Variants in JAK3 observed in about 807,000 individuals in gnomAD.
JAK3 encodes the protein Janus kinase 3, also known as tyrosine-protein kinase JAK3.
In JAK3, 88 loss-of-function variants were observed where a neutral mutation model predicts 120.8. That is an observed-to-expected ratio of 0.73 (90% CI 0.61 to 0.87). The LOEUF is 0.87. Among genes scored for constraint, JAK3 ranks in the 40% least tolerant of loss-of-function variants. The probability of loss-of-function intolerance (pLI) is 0.00; values close to 1 mark genes in which losing one functional copy is unlikely to be tolerated. For missense variants in JAK3, 1,254 were observed against 1,501.4 expected (o/e 0.84, Z 2.72); for synonymous variants, 592 against 628.6 (o/e 0.94, Z 0.87).
At position 17,832,466 on chromosome 19, in the gene JAK3, C is replaced by T. The variant is rs2094216058; in HGVS notation, c.2680+53G>A. ...GGCCTGGCAGGAGGGTAAGAATGTG[C>T]ACTTTGAAAAGCACCCATACGTCTT... On this transcript the variant is annotated intron_variant, in intron 19 of 23. Transcript: ENST00000458235. This position sits in a 1 kb window ranked among gnomAD's most constrained non-coding sequence, Gnocchi z 4.7. 1.9e-6 allele frequency: 3 copies of T among 1,575,836 alleles called. No individual in the cohort carries two copies. The highest frequency in any genetic ancestry group is 1.7e-5 in the Admixed American group (1 of 59,926).
Position 17,831,547 on chromosome 19 carries a change from G to A in JAK3, c.2805+127C>T. ...CTGAAGTTCTGATCCTGAGCCCTAA[G>A]CCAACCCCACCACTCCCGAGACCTG... On this transcript the variant is annotated intron_variant, in intron 20 of 23. Transcript: ENST00000458235. The surrounding 1 kb of genome is among the most constrained non-coding windows in gnomAD (Gnocchi z 5.1). The A allele has an allele frequency of 1.3e-6, 2 of 1,500,382 alleles. No homozygotes were observed. Among genetic ancestry groups the A allele is most frequent in the South Asian group, 1.2e-5 (1 of 84,036 alleles). 92.9% of individuals were successfully genotyped at this position (1,500,382 alleles called of 1,614,324 possible). A position where few individuals can be genotyped will look rare whatever the true frequency, so the allele number is the denominator to read the frequency against.
intron 17 of JAK3, among the ~76,000 whole-genome samples, chr19:17,833,542 GAAAA>G (rs58330868): frequency 4.0e-5 from 3 of 74,654 alleles, no homozygotes; most frequent in African/African-American, 1.4e-4. Flanking sequence ...CCCCATCACA[GAAAA>G]AAAAAAAAAA....
rs199861157 is a variant in JAK3 at position 17,834,588 on chromosome 19, T to C, written c.2333A>G (p.Asn778Ser). The part of the protein sequence containing the change: ...PSFRAVIRDL[N>S]SLISSDYELL... ...GCGGGCACCTGAAGAGATGAGGCTA[T>C]TGAGGTCACGAATGACGGCTCGGAA... The change falls in exon 17 of 24, where the codon AAT becomes AGT. Residue 778 changes from asparagine (N) to serine (S), a missense_variant. Coordinates refer to ENST00000458235, the MANE Select transcript of JAK3 (RefSeq NM_000215.4). 1.0e-5 allele frequency: 16 copies of C among 1,607,004 alleles called. No homozygotes were observed. The highest frequency in any genetic ancestry group is 1.7e-5 in the Admixed American group (1 of 59,736).
At position 17,842,415 on chromosome 19, in the gene JAK3, G is replaced by A; in HGVS notation, c.762C>T (p.Phe254=). ...CAAGGGCCCCAGGGAGGCCCACGTG[G>A]AAGGTCTCGGCGGCCCCGGCTGGAT... ...RLDPAGAAET[F]HVGLPGALGG... The change falls in exon 6 of 24, where the codon TTC becomes TTT. Residue 254 remains phenylalanine (F), a synonymous_variant. Transcript: ENST00000458235. This position sits in a 1 kb window ranked among gnomAD's most constrained non-coding sequence, Gnocchi z 6.4. The A allele has an allele frequency of 6.3e-7, 1 of 1,585,570 alleles. No individual in the cohort carries two copies. The highest frequency in any genetic ancestry group is 8.6e-7 in the Non-Finnish European group (1 of 1,168,764).
Position 17,832,470 on chromosome 19 carries a change from T to C in JAK3, c.2680+49A>G. ...TGGCAGGAGGGTAAGAATGTGCACT[T>C]TGAAAAGCACCCATACGTCTTGGTT... is the stretch of plus-strand genomic sequence containing the variant. On this transcript the variant is annotated intron_variant, in intron 19 of 23. Transcript: ENST00000458235. The surrounding 1 kb of genome is among the most constrained non-coding windows in gnomAD (Gnocchi z 4.7). 1.3e-6 allele frequency: 2 copies of C among 1,596,248 alleles called. No homozygotes were observed. Among genetic ancestry groups the C allele is most frequent in the Middle Eastern group, 3.3e-4 (2 of 6,036 alleles).
intron 8 of JAK3, among the ~76,000 whole-genome samples, chr19:17,840,767 AAAAAAAG>A (rs1184254130): frequency 1.3e-5 from 2 of 151,918 alleles, no homozygotes. Flanking sequence ...CGTCTCAAAA[AAAAAAAG>A]AAAAAAGAAA....
At chr19:17,844,667 C>T (rs1334594186) in intron 1 of JAK3, among the ~76,000 whole-genome samples, 2 of 151,770 alleles carry the variant, frequency 1.3e-5, no homozygotes, top group Non-Finnish European at 2.9e-5. Flanking sequence ...TGTGGTGGTG[C>T]GTTCCTGTAA....
intron 1 of JAK3, among the ~76,000 whole-genome samples, chr19:17,847,641 C>G (rs1026222545): frequency 4.6e-5 from 7 of 152,226 alleles, no homozygotes; most frequent in East Asian, 3.9e-4. Flanking sequence ...ACTCCGCCCC[C>G]CAATCCCTCC....
chr19:17,841,623 G>A lies in JAK3; in HGVS notation c.984+17C>T, dbSNP rs1160927824. On this transcript the variant is annotated intron_variant, in intron 7 of 23. Transcript: ENST00000458235. This position sits in a 1 kb window ranked among gnomAD's most constrained non-coding sequence, Gnocchi z 4.1. ...CCCTCGGGGTAAGGCTGAAGGGGAG[G>A]GGAATCCTGCACCCACTAAAATCTG... The A allele has an allele frequency of 5.6e-6, 9 of 1,613,740 alleles. No individual in the cohort carries two copies. Among genetic ancestry groups the A allele is most frequent in the South Asian group, 1.1e-5 (1 of 91,070 alleles).
chr19:17,827,915 A>T (rs1052107381), intron 23 of JAK3, among the ~76,000 whole-genome samples: 1 of 142,374 alleles, frequency 7.0e-6, no homozygotes, highest in Non-Finnish European at 1.5e-5. Flanking sequence ...AAAAAAAAAA[A>T]CAACAAAAAA....
chr19:17,828,873 G>A (rs972431165), intron 23 of JAK3, among the ~76,000 whole-genome samples: 17 of 152,244 alleles, frequency 1.1e-4, no homozygotes, highest in South Asian at 4.1e-4. Context: ...ACCATGAGAG[G>A]GTGGGATGTG....
intron 23 of JAK3, 188 bp downstream of exon 23, chr19:17,829,920 A>G: frequency 1.5e-6 from 1 of 655,468 alleles, no homozygotes; most frequent in South Asian, 1.6e-5. Flanking sequence ...GAAAAGGGTA[A>G]ACTGAGGCTC....
rs1301578816 is a variant in JAK3, at chr19:17,825,035, A to G, written c.*1708T>C. On this transcript the variant is annotated 3_prime_UTR_variant, in exon 24 of 24. Transcript: ENST00000458235. The stretch of plus-strand genomic sequence containing the variant: ...TGGATAAGAGTTTTCCAAGGAGGCA[A>G]AAGTGGCAGAAAAGCTTTGCAGGTG... 4.4e-6 allele frequency: 1 copy of G among 226,646 alleles called. No individual in the cohort carries two copies. The highest frequency in any genetic ancestry group is 2.2e-5 in the African/African-American group (1 of 44,968). 14.0% of individuals were successfully genotyped at this position (226,646 alleles called of 1,614,324 possible). A position where few individuals can be genotyped will look rare whatever the true frequency, so the allele number is the denominator to read the frequency against.
At chr19:17,846,478 C>T (rs1352198548) in intron 1 of JAK3, among the ~76,000 whole-genome samples, 2 of 152,180 alleles carry the variant, frequency 1.3e-5, no homozygotes, top group African/African-American at 4.8e-5. Context: ...GGAGCCCCAT[C>T]TCTCCCACAG....
rs1211411794 is a variant in JAK3 at position 17,831,943 on chromosome 19, A to AT, written c.2681-146dup. 1.0e-6 allele frequency: 1 copy of AT among 963,150 alleles called. No individual in the cohort carries two copies. Among genetic ancestry groups the AT allele is most frequent in the Admixed American group, 2.1e-5 (1 of 48,710 alleles). The allele number at this position is 963,150 out of a possible 1,614,324, so 59.7% of individuals were successfully genotyped here. ...GAACCGCAACAATGACACATTGCTA[A>AT]TATCTCTTGAGTACTTTCTACAACA... is the stretch of plus-strand genomic sequence containing the variant. On this transcript the variant is annotated intron_variant, in intron 19 of 23. Coordinates refer to ENST00000458235, the MANE Select transcript of JAK3 (RefSeq NM_000215.4). This position sits in a 1 kb window ranked among gnomAD's most constrained non-coding sequence, Gnocchi z 5.1.
chr19:17,841,462 G>T lies in JAK3; in HGVS notation c.1069C>A (p.His357Asn). The T allele has an allele frequency of 6.4e-7, 1 of 1,558,218 alleles. No homozygotes were observed. Among genetic ancestry groups the T allele is most frequent in the Admixed American group, 1.9e-5 (1 of 51,556 alleles). Reference protein sequence around the residue: ...GYFRLTTDSQHFFCKEVAPPR... With the variant: ...GYFRLTTDSQNFFCKEVAPPR... ...GGTGCCACCTCCTTGCAGAAGAAGT[G>T]CTGGGAGTCCGTGGTCAGCCGGAAG... Residue 357 changes from histidine (H) to asparagine (N), a missense_variant, in exon 8 of 24, where the codon CAC becomes AAC. By Grantham distance (68) the His-to-Asn change is moderately conservative (BLOSUM62 1). Around this residue, in one of 3 missense-constraint regions of JAK3, gnomAD observed 486 missense variants for 503.0 expected, o/e 0.97. Transcript: ENST00000458235. The surrounding 1 kb of genome is among the most constrained non-coding windows in gnomAD (Gnocchi z 4.1).
chr19:17,835,606 G>A (rs1311809732), intron 14 of JAK3, among the ~76,000 whole-genome samples: 1 of 152,160 alleles, frequency 6.6e-6, no homozygotes, highest in Non-Finnish European at 1.5e-5. Context: ...CCTTTGCCTA[G>A]GCTGTTCCCT....
Position 17,830,621 on chromosome 19 carries a change from C to A in JAK3, c.2979-1G>T. ...GTCCGAGAGGGATTCGGGGGCATAC[C>A]TGGAGAGGGGACAAGGTCTTGAGAT... On this transcript the variant is annotated splice_acceptor_variant, in intron 21 of 23. Coordinates refer to ENST00000458235, the MANE Select transcript of JAK3 (RefSeq NM_000215.4). LOFTEE classifies it high-confidence loss of function. 1 of 1,612,454 alleles carries A rather than the reference C, an allele frequency of 6.2e-7. No individual in the cohort carries two copies. Among genetic ancestry groups the A allele is most frequent in the Non-Finnish European group, 8.5e-7 (1 of 1,179,140 alleles).
chr19:17,827,717 TAAAAAAAAAA>T (rs760856974), intron 23 of JAK3, among the ~76,000 whole-genome samples: 6 of 77,686 alleles, frequency 7.7e-5, no homozygotes, highest in African/African-American at 2.4e-4. Context: ...CCATCTTAAC[TAAAAAAAAAA>T]AAAAAAAAAA....
Sources: gnomAD v4.1 joint callset for allele counts (sites outside exome capture counted in the v4.1 genomes callset) on GRCh38, gnomAD v4.1.1 for gene constraint, gnomAD v4.1.1 regional missense constraint, Gnocchi (gnomAD v3.1) non-coding constraint, MANE v1.5 for transcripts, NCBI Gene and HGNC (gene_info 2026-07-23, HGNC 2026-07-21) for gene names.